Variants in SLC17A8 observed in about 807,000 individuals in gnomAD.
SLC17A8 encodes solute carrier family 17 member 8.
Under a neutral mutation model 58.0 loss-of-function variants are expected in SLC17A8, and 31 were observed. The ratio of observed to expected loss-of-function variants is 0.53; its 90% CI spans 0.40 to 0.72. The LOEUF is 0.72. Among genes scored for constraint, SLC17A8 ranks in the 30% least tolerant of loss-of-function variants. The pLI, the probability that SLC17A8 is intolerant of heterozygous loss-of-function variation, is 0.00. For missense variants in SLC17A8, 655 were observed against 727.8 expected, an observed-to-expected ratio of 0.90 and a Z score of 1.15; for synonymous variants, 228 against 249.0, an observed-to-expected ratio of 0.92 and a Z score of 0.79.
At chr12:100,402,013 A>C in intron 6 of SLC17A8, 150 bp downstream of exon 6, 1 of 718,208 alleles carries the variant, frequency 1.4e-6, no homozygotes, top group Non-Finnish European at 2.4e-6. Context: ...TGATTTGATT[A>C]ATATTTATAT....
chr12:100,417,990 G>GTTCTTGACTCTGATT, intron 10 of SLC17A8, 39 bp from the exon 11 acceptor site: 1 of 1,613,970 alleles, frequency 6.2e-7, no homozygotes, highest in Non-Finnish European at 8.5e-7. Flanking sequence ...TTGAAATTCT[G>GTTCTTGACTCTGATT]TTCTTGACTC....
intron 3 of SLC17A8, among the ~76,000 whole-genome samples, chr12:100,392,208 T>C (rs575844075): frequency 2.6e-5 from 4 of 152,274 alleles, no homozygotes; most frequent in African/African-American, 9.6e-5. Flanking sequence ...GTTTTTTTTT[T>C]CAAATTCTAA....
At chr12:100,405,097 A>T (rs1392838628) in intron 9 of SLC17A8, among the ~76,000 whole-genome samples, 1 of 152,252 alleles carries the variant, frequency 6.6e-6, no homozygotes, top group Non-Finnish European at 1.5e-5. Flanking sequence ...ACACAGGAGC[A>T]GGCATGATCT....
In SLC17A8 at chr12:100,421,665, T is replaced by A. The variant is rs1952950411; in HGVS notation, c.*1506T>A. The A allele has an allele frequency of 1.2e-5, 1 of 83,082 alleles. No homozygotes were observed. The highest frequency in any genetic ancestry group is 2.2e-4 in the East Asian group (1 of 4,610). 5.1% of individuals were successfully genotyped at this position (83,082 alleles called of 1,614,324 possible). On this transcript the variant is annotated 3_prime_UTR_variant, in exon 12 of 12. Coordinates refer to ENST00000323346, the MANE Select transcript of SLC17A8 (RefSeq NM_139319.3). ...AGCTTATTATTGTAAAGTGTTTTTT[T>A]TTTTTTTTTTTTTTTCTAATTTCTC...
chr12:100,382,990 G>T (rs1182726339), intron 2 of SLC17A8, among the ~76,000 whole-genome samples: 1 of 152,176 alleles, frequency 6.6e-6, no homozygotes, highest in Non-Finnish European at 1.5e-5. Flanking sequence ...TGTCCTAAAA[G>T]GATATCCTGT....
intron 2 of SLC17A8, among the ~76,000 whole-genome samples, chr12:100,389,101 T>C (rs1267999702): frequency 6.6e-6 from 1 of 152,130 alleles, no homozygotes; most frequent in Non-Finnish European, 1.5e-5. Flanking sequence ...TTACAATGAG[T>C]CTAAAAAGAA....
At chr12:100,388,838 A>G (rs908045888) in intron 2 of SLC17A8, among the ~76,000 whole-genome samples, 2 of 152,230 alleles carry the variant, frequency 1.3e-5, no homozygotes, top group African/African-American at 2.4e-5. Context: ...CATTTGGCGA[A>G]TACACACTTG....
chr12:100,382,435 G>A (rs1952644259), intron 2 of SLC17A8, among the ~76,000 whole-genome samples: 1 of 152,142 alleles, frequency 6.6e-6, no homozygotes, highest in Non-Finnish European at 1.5e-5. Context: ...TGAGGTTATG[G>A]GGTAAAAGAA....
At chr12:100,366,013 G>C (rs1351593111) in intron 1 of SLC17A8, among the ~76,000 whole-genome samples, 1 of 146,480 alleles carries the variant, frequency 6.8e-6, no homozygotes, top group Non-Finnish European at 1.5e-5. Flanking sequence ...CATGAGTTAA[G>C]AGTGTGGTAG....
At chr12:100,404,501 T>TTCACACACACACAC in intron 9 of SLC17A8, 2 of 220,448 alleles carry the variant, frequency 9.1e-6, no homozygotes, top group East Asian at 8.3e-5. Flanking sequence ...ATGGGATATA[T>TTCACACACACACAC]GCACACACAC....
At chr12:100,413,307 T>C (rs547951323) in intron 10 of SLC17A8, among the ~76,000 whole-genome samples, 8 of 152,116 alleles carry the variant, frequency 5.3e-5, no homozygotes, top group Non-Finnish European at 1.0e-4. Context: ...TTTTTAAGAG[T>C]GAAAACCTTC....
chr12:100,374,097 ATATT>A (rs1172822095), intron 1 of SLC17A8, among the ~76,000 whole-genome samples: 1 of 152,186 alleles, frequency 6.6e-6, no homozygotes, highest in African/African-American at 2.4e-5. Flanking sequence ...TGTGAGATAA[ATATT>A]TATTGTACAG....
intron 9 of SLC17A8, among the ~76,000 whole-genome samples, chr12:100,408,340 C>G (rs1425895019): frequency 1.3e-5 from 2 of 152,280 alleles, no homozygotes; most frequent in African/African-American, 4.8e-5. Context: ...TGTCCTGCCC[C>G]CTCTATAGAA....
chr12:100,380,598 T>G, intron 1 of SLC17A8, 103 bp from the exon 2 acceptor site: 1 of 1,298,946 alleles, frequency 7.7e-7, no homozygotes, highest in Non-Finnish European at 1.1e-6. Flanking sequence ...GGGTCTTCCT[T>G]TTTGTTTTTC....
chr12:100,395,234 T>G (rs1172176324), intron 4 of SLC17A8, among the ~76,000 whole-genome samples: 1 of 152,148 alleles, frequency 6.6e-6, no homozygotes, highest in Non-Finnish European at 1.5e-5. Flanking sequence ...GTACTGTGAG[T>G]CAAAATAGCT....
At chr12:100,395,019 A>G (rs2135998098) in intron 4 of SLC17A8, among the ~76,000 whole-genome samples, 1 of 152,048 alleles carries the variant, frequency 6.6e-6, no homozygotes, top group Non-Finnish European at 1.5e-5. Context: ...AGAACACGAT[A>G]TTAGCATCCA....
intron 5 of SLC17A8, among the ~76,000 whole-genome samples, chr12:100,400,560 C>T (rs1952783937): frequency 6.6e-6 from 1 of 152,128 alleles, no homozygotes; most frequent in African/African-American, 2.4e-5. Context: ...GAGGGTCAGG[C>T]TCACCTTGGA....
chr12:100,364,347 G>A (rs1952504647), intron 1 of SLC17A8, among the ~76,000 whole-genome samples: 2 of 152,138 alleles, frequency 1.3e-5, no homozygotes, highest in African/African-American at 4.8e-5. Flanking sequence ...GGATGGAAGG[G>A]GTCTGTTACA....
intron 2 of SLC17A8, among the ~76,000 whole-genome samples, chr12:100,388,403 C>G (rs1461956148): frequency 6.6e-6 from 1 of 152,234 alleles, no homozygotes; most frequent in Non-Finnish European, 1.5e-5. Context: ...CTGTTCACTG[C>G]TGTACCCCAG....
Sources: allele counts gnomAD v4.1 joint callset (sites outside exome capture counted in the v4.1 genomes callset), GRCh38; gene constraint gnomAD v4.1.1; transcripts MANE v1.5; gene names NCBI Gene and HGNC (gene_info 2026-07-23, HGNC 2026-07-21).